Variants in EIF3H observed in about 807,000 individuals in gnomAD.
EIF3H encodes the protein eukaryotic translation initiation factor 3 subunit H.
Under a neutral mutation model 44.2 loss-of-function variants are expected in EIF3H, and 26 were observed. The observed-to-expected ratio is 0.59, with a 90% CI of 0.43 to 0.82. The LOEUF (loss-of-function observed/expected upper bound fraction) is 0.82, where lower values mean the gene tolerates loss of function less well. Among genes scored for constraint, EIF3H ranks in the 40% least tolerant of loss-of-function variants. The pLI, the probability that EIF3H is intolerant of heterozygous loss-of-function variation, is 0.00. For synonymous variants in EIF3H, 166 were observed against 151.9 expected (o/e 1.09, Z -0.68); for missense variants, 359 against 432.8 (o/e 0.83, Z 1.51).
chr8:116,722,160 T>C (rs1043698230), intron 2 of EIF3H, among the ~76,000 whole-genome samples: 12 of 152,272 alleles, frequency 7.9e-5, no homozygotes, highest in South Asian at 2.1e-4. Flanking sequence ...ACGGGAGCAG[T>C]TGCCCCCATA....
At chr8:116,684,755 A>G (rs1814046082) in intron 2 of EIF3H, among the ~76,000 whole-genome samples, 4 of 152,218 alleles carry the variant, frequency 2.6e-5, no homozygotes, top group Admixed American at 2.0e-4. Flanking sequence ...AAATATGCAT[A>G]GCATCAAAAC....
intron 1 of EIF3H, among the ~76,000 whole-genome samples, chr8:116,739,991 A>AACAC (rs144316842): frequency 4.9e-4 from 74 of 151,632 alleles, no homozygotes; most frequent in African/African-American, 1.2e-3. Flanking sequence ...ATGAAAATAA[A>AACAC]ACACACACAC....
chr8:116,712,188 C>G (rs946034524), intron 2 of EIF3H, among the ~76,000 whole-genome samples: 2 of 152,222 alleles, frequency 1.3e-5, no homozygotes, highest in African/African-American at 4.8e-5. Flanking sequence ...ATCGAGGGCT[C>G]TGCTGCCAAA....
At chr8:116,715,839 T>A (rs150004313) in intron 2 of EIF3H, among the ~76,000 whole-genome samples, 1 of 152,226 alleles carries the variant, frequency 6.6e-6, no homozygotes, top group Non-Finnish European at 1.5e-5. Flanking sequence ...TCTCCAGTTC[T>A]GCTAAGCTTG....
upstream of EIF3H, chr8:116,755,982 C>A: frequency 6.5e-7 from 1 of 1,536,182 alleles, no homozygotes; most frequent in Middle Eastern, 1.7e-4. Flanking sequence ...TTTGTGCATG[C>A]CTACTGTACA....
At chr8:116,735,838 G>A (rs960685628) in intron 1 of EIF3H, among the ~76,000 whole-genome samples, 11 of 152,042 alleles carry the variant, frequency 7.2e-5, no homozygotes, top group African/African-American at 2.4e-4. Flanking sequence ...AAGGAGGCTG[G>A]GAGGGTCTTT....
intron 2 of EIF3H, among the ~76,000 whole-genome samples, chr8:116,704,005 G>A (rs567825746): frequency 1.4e-4 from 22 of 152,182 alleles, no homozygotes; most frequent in Admixed American, 1.4e-3. Flanking sequence ...GTACTGGTCC[G>A]TGGCCTGGGG....
intron 2 of EIF3H, among the ~76,000 whole-genome samples, chr8:116,678,876 C>G (rs1813905180): frequency 7.1e-6 from 1 of 140,468 alleles, no homozygotes; most frequent in Non-Finnish European, 1.6e-5. Flanking sequence ...GGGGGTCAGC[C>G]CCCCGCCCGG....
intron 2 of EIF3H, among the ~76,000 whole-genome samples, chr8:116,716,309 T>C (rs1200683316): frequency 6.6e-6 from 1 of 152,066 alleles, no homozygotes; most frequent in Admixed American, 6.6e-5. Flanking sequence ...CTTTCCACAA[T>C]GCCTAGTCAC....
At chr8:116,708,440 C>T (rs950123636) in intron 2 of EIF3H, among the ~76,000 whole-genome samples, 1 of 151,712 alleles carries the variant, frequency 6.6e-6, no homozygotes, top group Non-Finnish European at 1.5e-5. Context: ...ACAAAGATAC[C>T]AATAAATACC....
At chr8:116,684,357 T>C (rs778791550) in intron 2 of EIF3H, among the ~76,000 whole-genome samples, 3 of 152,210 alleles carry the variant, frequency 2.0e-5, no homozygotes, top group Non-Finnish European at 1.5e-5. Flanking sequence ...ATATATCCAC[T>C]GTAAAACTGT....
chr8:116,683,664 T>C (rs970585374), intron 2 of EIF3H, among the ~76,000 whole-genome samples: 1 of 152,212 alleles, frequency 6.6e-6, no homozygotes, highest in Admixed American at 6.5e-5. Context: ...ATTTAAACCG[T>C]AAATTTTGTA....
At chr8:116,665,833 C>T (rs527646864) in intron 2 of EIF3H, among the ~76,000 whole-genome samples, 2 of 152,108 alleles carry the variant, frequency 1.3e-5, no homozygotes, top group Non-Finnish European at 2.9e-5. Context: ...ACGTTTCAGG[C>T]AATGTTCAAA....
intron 2 of EIF3H, among the ~76,000 whole-genome samples, chr8:116,715,724 T>C (rs898283947): frequency 1.3e-5 from 2 of 152,114 alleles, no homozygotes. Flanking sequence ...CTTTATAACA[T>C]ATTTAAGGAA....
At chr8:116,692,124 A>G (rs1297555440) in intron 2 of EIF3H, among the ~76,000 whole-genome samples, 1 of 152,166 alleles carries the variant, frequency 6.6e-6, no homozygotes, top group Non-Finnish European at 1.5e-5. Context: ...CTCTGGCACT[A>G]CCTTCTTTTA....
At chr8:116,745,925 GA>G (rs768289970) in intron 1 of EIF3H, among the ~76,000 whole-genome samples, 111 of 137,044 alleles carry the variant, frequency 8.1e-4, no homozygotes, top group Middle Eastern at 3.7e-3. Context: ...TGTCTCAAAG[GA>G]AAAAAAAAAA....
intron 2 of EIF3H, among the ~76,000 whole-genome samples, chr8:116,725,735 C>A (rs1260969424): frequency 2.0e-5 from 3 of 152,174 alleles, no homozygotes; most frequent in African/African-American, 7.2e-5. Flanking sequence ...ATTTAGCAAG[C>A]TGATTTCATG....
At chr8:116,711,320 C>T (rs1467808143) in intron 2 of EIF3H, among the ~76,000 whole-genome samples, 1 of 152,190 alleles carries the variant, frequency 6.6e-6, no homozygotes, top group Admixed American at 6.5e-5. Context: ...ATAGCTCATA[C>T]CCATCAAGGT....
chr8:116,647,776 G>A (rs1280388391), intron 6 of EIF3H, among the ~76,000 whole-genome samples: 1 of 152,124 alleles, frequency 6.6e-6, no homozygotes, highest in African/African-American at 2.4e-5. Context: ...TATTCATTAT[G>A]GGGTACTCAT....
Sources: allele counts gnomAD v4.1 joint callset (sites outside exome capture counted in the v4.1 genomes callset), GRCh38; gene constraint gnomAD v4.1.1; transcripts MANE v1.5; gene names NCBI Gene and HGNC (gene_info 2026-07-23, HGNC 2026-07-21).